SLC44A1: variants seen among roughly 807,000 people sequenced by gnomAD.
SLC44A1 encodes solute carrier family 44 member 1.
In SLC44A1, 26 loss-of-function variants were observed where a neutral mutation model predicts 79.3. The ratio of observed to expected loss-of-function variants is 0.33; its 90% confidence interval spans 0.24 to 0.46. The LOEUF is 0.46. Ranked by LOEUF, SLC44A1 falls within the 20% of genes least tolerant of loss-of-function variation. The pLI is 1.00. For missense variants in SLC44A1, 688 were observed against 798.1 expected (o/e 0.86, Z 1.66); for synonymous variants, 263 against 286.2 (o/e 0.92, Z 0.82).
Position 105,395,896 on chromosome 9 carries a change from G to A in SLC44A1, c.*6840G>A. The A allele has an allele frequency of 1.1e-6, 1 of 949,558 alleles. No homozygotes were observed. The highest frequency in any genetic ancestry group is 1.2e-6 in the Non-Finnish European group (1 of 802,310). The allele number at this position is 949,558 out of a possible 1,614,324, so 58.8% of individuals were successfully genotyped here. A position where few individuals can be genotyped will look rare whatever the true frequency, so the allele number is the denominator to read the frequency against. ...TTTACCATGTTGATAATCCGGTGGT[G>A]ACTTTTTTTTTTTTTTTGTAAATTG... is the stretch of plus-strand genomic sequence containing the variant. On this transcript the variant is annotated 3_prime_UTR_variant, in exon 16 of 16. Transcript: ENST00000374720.
intron 15 of SLC44A1, among the ~76,000 whole-genome samples, chr9:105,435,761 G>A (rs189548773): frequency 2.0e-4 from 30 of 152,312 alleles, no homozygotes; most frequent in Non-Finnish European, 2.6e-4. Context: ...TAATAGCAGT[G>A]TACCAGTGTT....
rs778973654 is a variant in SLC44A1 at position 105,374,681 on chromosome 9, T to C, written c.1578T>C (p.Ala526=). 7 of 1,613,426 alleles carry C rather than the reference T, an allele frequency of 4.3e-6. No individual in the cohort carries two copies. Among genetic ancestry groups the C allele is most frequent in the African/African-American group, 1.3e-5 (1 of 75,056 alleles). The stretch of plus-strand genomic sequence containing the variant: ...CCTTTGTCATTCTGGTGGAGAATGC[T>C]TTGCGAGTGGCTACCATCAACACAG... ...KDAFVILVEN[A]LRVATINTVG... The change falls in exon 13 of 16, where the codon GCT becomes GCC. Residue 526 remains alanine (A), a synonymous_variant. Coordinates refer to ENST00000374720, the MANE Select transcript of SLC44A1 (RefSeq NM_080546.5).
chr9:105,260,928 C>T (rs1250095901), intron 1 of SLC44A1, among the ~76,000 whole-genome samples: 1 of 152,074 alleles, frequency 6.6e-6, no homozygotes, highest in Non-Finnish European at 1.5e-5. Flanking sequence ...AATAATAGAT[C>T]CTCAATAAAT....
At position 105,358,346 on chromosome 9, in the gene SLC44A1, C is replaced by A; in HGVS notation, c.673C>A (p.Leu225Ile). 2 of 1,521,742 alleles carry A rather than the reference C, an allele frequency of 1.3e-6. No homozygotes were observed. The highest frequency in any genetic ancestry group is 1.1e-5 in the South Asian group (1 of 88,488). 94.3% of individuals were successfully genotyped at this position (1,521,742 alleles called of 1,614,324 possible). ...TATGTTCTCTATCTTCCCTGCAGTTCTATCCATGATTTTGATGGTGATAAT... is the reference window on the plus strand; with the variant it reads ...TATGTTCTCTATCTTCCCTGCAGTTATATCCATGATTTTGATGGTGATAAT... Reference protein sequence around the residue: ...ILGLCLLSLVLSMILMVIIRY... With the variant: ...ILGLCLLSLVISMILMVIIRY... Residue 225 changes from leucine (L) to isoleucine (I), a missense_variant and splice_region_variant, in exon 7 of 16, where the codon CTA (leucine) becomes ATA (isoleucine). Physicochemically the swap from Leu to Ile is conservative, Grantham distance 5 (BLOSUM62 2). Transcript: ENST00000374720.
At chr9:105,403,586 C>A (rs1434193130) in intron 15 of SLC44A1, among the ~76,000 whole-genome samples, 2 of 149,916 alleles carry the variant, frequency 1.3e-5, no homozygotes, top group Non-Finnish European at 3.0e-5. Flanking sequence ...CCAGCCTCTG[C>A]TCTCTGAAAA....
intron 2 of SLC44A1, among the ~76,000 whole-genome samples, chr9:105,303,382 A>G (rs1418083378): frequency 6.6e-6 from 1 of 152,090 alleles, no homozygotes; most frequent in Non-Finnish European, 1.5e-5. Flanking sequence ...ATCTGCCCAG[A>G]TTAGCTTACC....
intron 1 of SLC44A1, among the ~76,000 whole-genome samples, chr9:105,272,139 A>G (rs779318301): frequency 6.6e-6 from 1 of 152,224 alleles, no homozygotes; most frequent in Non-Finnish European, 1.5e-5. Context: ...AAAATGGTTT[A>G]ATTTTCCCAA....
chr9:105,340,783 A>G (rs908412519), intron 4 of SLC44A1, among the ~76,000 whole-genome samples: 5 of 152,212 alleles, frequency 3.3e-5, no homozygotes, highest in African/African-American at 1.2e-4. Context: ...TCTAGAAATT[A>G]AAGGGGAAGA....
chr9:105,429,629 G>A (rs1829366742), intron 15 of SLC44A1, among the ~76,000 whole-genome samples: 1 of 152,114 alleles, frequency 6.6e-6, no homozygotes, highest in African/African-American at 2.4e-5. Flanking sequence ...ATTTTTGACA[G>A]TAATTATGCC....
At chr9:105,400,862 T>A (rs1828949642), downstream of SLC44A1, among the ~76,000 whole-genome samples, 1 of 152,260 alleles carries the variant, frequency 6.6e-6, no homozygotes, top group African/African-American at 2.4e-5. Flanking sequence ...AAGGGTTAAT[T>A]TTTATAGAAA....
At chr9:105,381,994 CAAAAT>C (rs1446895727) in intron 13 of SLC44A1, among the ~76,000 whole-genome samples, 4 of 152,000 alleles carry the variant, frequency 2.6e-5, no homozygotes, top group Non-Finnish European at 5.9e-5. Context: ...TTATACAAGA[CAAAAT>C]AAAGAGCTGG....
In SLC44A1 at chr9:105,375,562, A is replaced by G. The variant is rs547569312; in HGVS notation, c.1632+827A>G. Among the ~76,000 whole-genome samples the G allele has an allele frequency of 1.3e-4, 20 of 152,310 alleles. 1 individual carries two copies. The South Asian group carries it at 4.1e-3, about 32-fold the overall frequency. On this transcript the variant is annotated intron_variant, in intron 13 of 15. Coordinates refer to ENST00000374720, the MANE Select transcript of SLC44A1 (RefSeq NM_080546.5). The stretch of plus-strand genomic sequence containing the variant: ...ACTCCTAGGGTCATGAGATTAATGC[A>G]TTGTTAATACATGTAGGGTATCTAG...
intron 12 of SLC44A1, among the ~76,000 whole-genome samples, chr9:105,367,985 A>C (rs193139775): frequency 1.7e-3 from 255 of 152,344 alleles, no homozygotes; most frequent in African/African-American, 5.8e-3. Context: ...TGAACTGTTA[A>C]TTATATTAGT....
intron 1 of SLC44A1, among the ~76,000 whole-genome samples, chr9:105,249,895 G>T (rs1306736143): frequency 1.4e-5 from 2 of 147,376 alleles, no homozygotes; most frequent in Non-Finnish European, 3.0e-5. Context: ...GTGAAGTAGG[G>T]TCTTGCTTTG....
chr9:105,308,951 G>A (rs1289263151), intron 2 of SLC44A1, among the ~76,000 whole-genome samples: 2 of 152,168 alleles, frequency 1.3e-5, no homozygotes, highest in African/African-American at 4.8e-5. Context: ...CAAGCATGAT[G>A]TGCTTCTGAA....
chr9:105,248,004 T>C (rs1331827441), intron 1 of SLC44A1, among the ~76,000 whole-genome samples: 1 of 152,218 alleles, frequency 6.6e-6, no homozygotes, highest in Non-Finnish European at 1.5e-5. Context: ...CCTTTGCTCC[T>C]GATGACCTGC....
intron 1 of SLC44A1, among the ~76,000 whole-genome samples, chr9:105,259,260 C>T (rs918820507): frequency 6.6e-6 from 1 of 152,188 alleles, no homozygotes; most frequent in African/African-American, 2.4e-5. Flanking sequence ...CCCCATAATT[C>T]ACCAATTCCT....
chr9:105,251,555 A>T (rs1258590162), intron 1 of SLC44A1, among the ~76,000 whole-genome samples: 1 of 152,264 alleles, frequency 6.6e-6, no homozygotes, highest in East Asian at 1.9e-4. Flanking sequence ...GACAAAGACC[A>T]GAACCCTTGA....
intron 1 of SLC44A1, among the ~76,000 whole-genome samples, chr9:105,270,543 T>C (rs1490199811): frequency 6.6e-6 from 1 of 152,198 alleles, no homozygotes; most frequent in Non-Finnish European, 1.5e-5. Flanking sequence ...TATTATGTTC[T>C]GGCCAAGTTC....
Sources: gnomAD v4.1 joint callset for allele counts (sites outside exome capture counted in the v4.1 genomes callset) on GRCh38, gnomAD v4.1.1 for gene constraint, MANE v1.5 for transcripts, NCBI Gene and HGNC (gene_info 2026-07-23, HGNC 2026-07-21) for gene names.